Variants in MOB3B observed in about 807,000 individuals in gnomAD.
MOB3B encodes the protein MOB kinase activator 3B.
Under a neutral mutation model 18.7 loss-of-function variants are expected in MOB3B, and 7 were observed. The observed-to-expected ratio is 0.37, with a 90% CI of 0.21 to 0.70. The LOEUF (loss-of-function observed/expected upper bound fraction) is 0.70. MOB3B is among the 30% of genes least tolerant of loss of function. The pLI is 0.52. For synonymous variants in MOB3B, 111 were observed against 99.9 expected, an observed-to-expected ratio of 1.11 and a Z score of -0.66; for missense variants, 253 against 281.3, an observed-to-expected ratio of 0.90 and a Z score of 0.72.
At chr9:27,378,323 T>C (rs773938972) in intron 2 of MOB3B, 1 of 470,352 alleles carries the variant, frequency 2.1e-6, no homozygotes, top group Non-Finnish European at 4.4e-6. Flanking sequence ...ATGCTGCATC[T>C]GGACATGGGT....
intron 3 of MOB3B, among the ~76,000 whole-genome samples, chr9:27,347,899 A>C (rs528634115): frequency 1.3e-5 from 2 of 152,368 alleles, no homozygotes; most frequent in African/African-American, 4.8e-5. Flanking sequence ...TAGCTACACC[A>C]TCTATTTTTA....
intron 2 of MOB3B, among the ~76,000 whole-genome samples, chr9:27,400,016 G>T (rs1424185881): frequency 6.6e-6 from 1 of 152,142 alleles, no homozygotes; most frequent in Non-Finnish European, 1.5e-5. Flanking sequence ...CCTTAAATCA[G>T]GTACTTACTT....
rs183112830 is a variant in MOB3B at position 27,440,274 on chromosome 9, T to C, written c.418+14859A>G. Among the ~76,000 whole-genome samples the C allele has an allele frequency of 5.3e-4, 80 of 152,296 alleles. 1 individual carries two copies. In the East Asian group the frequency reaches 0.015, roughly 29 times the overall value. Reference sequence around the variant, plus strand: ...GATGTTCAACTACATCACAGTGCCCTTGTCATGGGGCTCAGTTAATGCTGA... The same window carrying C: ...GATGTTCAACTACATCACAGTGCCCCTGTCATGGGGCTCAGTTAATGCTGA... On this transcript the variant is annotated intron_variant, in intron 2 of 3. Transcript: ENST00000262244.
chr9:27,464,227 G>T (rs183744542), intron 1 of MOB3B, among the ~76,000 whole-genome samples: 1 of 152,060 alleles, frequency 6.6e-6, no homozygotes, highest in Non-Finnish European at 1.5e-5. Flanking sequence ...TAGGGGTGGG[G>T]GGCACGGTGG....
At chr9:27,373,954 C>T (rs748450299) in intron 2 of MOB3B, among the ~76,000 whole-genome samples, 2 of 152,218 alleles carry the variant, frequency 1.3e-5, no homozygotes, top group African/African-American at 2.4e-5. Context: ...CAGCAAGTAG[C>T]CTAGTCTTAG....
At chr9:27,355,224 T>A (rs948185167) in intron 3 of MOB3B, among the ~76,000 whole-genome samples, 1 of 152,058 alleles carries the variant, frequency 6.6e-6, no homozygotes, top group Admixed American at 6.6e-5. Context: ...AAGAGATGTG[T>A]GGCTGTGCAT....
At chr9:27,390,050 G>A (rs1277862198) in intron 2 of MOB3B, among the ~76,000 whole-genome samples, 3 of 152,034 alleles carry the variant, frequency 2.0e-5, no homozygotes, top group Non-Finnish European at 4.4e-5. Flanking sequence ...TATTTCAATA[G>A]TTGCATATAT....
chr9:27,521,971 A>G (rs1018827372), intron 1 of MOB3B, among the ~76,000 whole-genome samples: 1 of 152,094 alleles, frequency 6.6e-6, no homozygotes, highest in African/African-American at 2.4e-5. Flanking sequence ...GGCCAGGTAC[A>G]GTGGCTCACG....
intron 2 of MOB3B, among the ~76,000 whole-genome samples, chr9:27,359,507 T>C (rs1821243716): frequency 6.6e-6 from 1 of 152,150 alleles, no homozygotes; most frequent in Non-Finnish European, 1.5e-5. Context: ...GCTTCTAATT[T>C]TTCAAGATAA....
At chr9:27,454,598 C>T (rs568043629) in intron 2 of MOB3B, among the ~76,000 whole-genome samples, 1 of 152,274 alleles carries the variant, frequency 6.6e-6, no homozygotes, top group South Asian at 2.1e-4. Context: ...CCAGAAGATA[C>T]GCAAGGGTTA....
chr9:27,369,318 C>A (rs1438162843), intron 2 of MOB3B, among the ~76,000 whole-genome samples: 2 of 152,154 alleles, frequency 1.3e-5, no homozygotes, highest in African/African-American at 4.8e-5. Flanking sequence ...ATCTTTCTTC[C>A]ATTATGTGGG....
rs535410585 is a variant in MOB3B at position 27,385,381 on chromosome 9, C to T, written c.419-26145G>A. On this transcript the variant is annotated intron_variant, in intron 2 of 3. Transcript: ENST00000262244. Reference sequence around the variant, plus strand: ...GAGACAGAGTGACAAATAAGATAAACGGAGGAGGTAGGTCAGGACTGACTG... The same window carrying T: ...GAGACAGAGTGACAAATAAGATAAATGGAGGAGGTAGGTCAGGACTGACTG... Among the ~76,000 whole-genome samples the T allele has an allele frequency of 1.6e-4, 24 of 152,150 alleles. No homozygotes were observed. In the South Asian group the frequency reaches 3.9e-3, roughly 25 times the overall value.
At chr9:27,511,189 T>C (rs1161628435) in intron 1 of MOB3B, among the ~76,000 whole-genome samples, 1 of 142,176 alleles carries the variant, frequency 7.0e-6, no homozygotes, top group East Asian at 2.1e-4. Flanking sequence ...GTAGTGATGC[T>C]ATTAGGTAAA....
At chr9:27,346,103 TATAAA>T (rs1264720868) in intron 3 of MOB3B, among the ~76,000 whole-genome samples, 2 of 152,162 alleles carry the variant, frequency 1.3e-5, no homozygotes, top group Non-Finnish European at 2.9e-5. Context: ...TTAGTGTCCT[TATAAA>T]AGAGACCTGA....
chr9:27,333,281 C>T (rs538663925), intron 3 of MOB3B, among the ~76,000 whole-genome samples: 1 of 152,002 alleles, frequency 6.6e-6, no homozygotes, highest in Non-Finnish European at 1.5e-5. Flanking sequence ...GAGTTGGATC[C>T]ATCCTTCAAA....
rs1217849391 is a variant in MOB3B, at chr9:27,455,598, T to C, written c.-48A>G. 3 of 1,610,872 alleles carry C rather than the reference T, an allele frequency of 1.9e-6. No homozygotes were observed. Among genetic ancestry groups the C allele is most frequent in the Non-Finnish European group, 2.5e-6 (3 of 1,179,386 alleles). On this transcript the variant is annotated 5_prime_UTR_variant, in exon 2 of 4. Coordinates refer to ENST00000262244, the MANE Select transcript of MOB3B (RefSeq NM_024761.5). ...CTTTTGCAGGAAGCGAAAAGGCACCTGGAACTTTTCAGGGAGAGATCACAG... is the reference window on the plus strand; with the variant it reads ...CTTTTGCAGGAAGCGAAAAGGCACCCGGAACTTTTCAGGGAGAGATCACAG...
chr9:27,473,554 G>A (rs985372631), intron 1 of MOB3B, among the ~76,000 whole-genome samples: 7 of 152,126 alleles, frequency 4.6e-5, no homozygotes, highest in African/African-American at 7.2e-5. Context: ...TGGGCCTCTG[G>A]GGCAACACAG....
intron 2 of MOB3B, among the ~76,000 whole-genome samples, chr9:27,369,753 G>T (rs1163037646): frequency 6.6e-6 from 1 of 152,246 alleles, no homozygotes; most frequent in Non-Finnish European, 1.5e-5. Flanking sequence ...TTGGTAGCTG[G>T]AAACCTCTTC....
At chr9:27,525,348 T>A (rs942459712) in intron 1 of MOB3B, among the ~76,000 whole-genome samples, 7 of 152,170 alleles carry the variant, frequency 4.6e-5, no homozygotes, top group African/African-American at 1.2e-4. Flanking sequence ...ATGACTTAAC[T>A]GTTTTGCTGC....
Sources: allele counts gnomAD v4.1 joint callset (sites outside exome capture counted in the v4.1 genomes callset), GRCh38; gene constraint gnomAD v4.1.1; transcripts MANE v1.5; gene names NCBI Gene and HGNC (gene_info 2026-07-23, HGNC 2026-07-21).